The following CYB5R4 variants were observed in gnomAD, a reference collection of about 807,000 sequenced individuals.
CYB5R4 encodes the protein N-terminal cytochrome b5 and cytochrome b5 oxidoreductase domain-containing protein.
A neutral mutation model predicts 70.2 loss-of-function variants in CYB5R4; 55 were observed. The ratio of observed to expected loss-of-function variants is 0.78; its 90% CI spans 0.63 to 0.98. The LOEUF (loss-of-function observed/expected upper bound fraction) is 0.98. Ranked by LOEUF, CYB5R4 falls within the 50% of genes least tolerant of loss-of-function variation. The pLI, the probability that CYB5R4 is intolerant of heterozygous loss-of-function variation, is 0.00. For missense variants in CYB5R4, 562 were observed against 612.6 expected, an observed-to-expected ratio of 0.92 and a Z score of 0.87; for synonymous variants, 197 against 199.5, an observed-to-expected ratio of 0.99 and a Z score of 0.11.
intron 2 of CYB5R4, among the ~76,000 whole-genome samples, chr6:83,873,086 A>T (rs1368007896): frequency 2.0e-5 from 3 of 152,120 alleles, no homozygotes; most frequent in African/African-American, 4.8e-5. Context: ...TTCAGCTCTA[A>T]AGTTAATCAT....
chr6:83,897,739 G>T (rs2099462146), intron 3 of CYB5R4, among the ~76,000 whole-genome samples: 1 of 152,054 alleles, frequency 6.6e-6, no homozygotes, highest in South Asian at 2.1e-4. Flanking sequence ...TTTTGGATGG[G>T]GTTGTTTTTT....
rs1162042317 is a variant in CYB5R4, at chr6:83,962,487, C to G, written c.*2609C>G. 3 of 152,150 alleles carry G rather than the reference C, an allele frequency of 2.0e-5. No homozygotes were observed. The highest frequency in any genetic ancestry group is 7.2e-5 in the African/African-American group (3 of 41,454). 9.4% of individuals were successfully genotyped at this position (152,150 alleles called of 1,614,324 possible). ...AAGTCACATTTGCTTGCAAATTCTG[C>G]TTTTTTTAAAAAAAAGTTTATTAAT... On this transcript the variant is annotated 3_prime_UTR_variant, in exon 16 of 16. Coordinates refer to ENST00000369681, the MANE Select transcript of CYB5R4 (RefSeq NM_016230.4).
At position 83,936,272 on chromosome 6, in the gene CYB5R4, C is replaced by T; in HGVS notation, c.1004C>T (p.Ser335Leu). The change falls in exon 12 of 16, where the codon TCA (serine) becomes TTA (leucine). Residue 335 changes from serine to leucine, a missense_variant. By Grantham distance (145) the Ser-to-Leu change is moderately radical (BLOSUM62 -2). Transcript: ENST00000369681. ...PYTPVSGSLL[S>L]EFKEPVLPNN... Reference sequence around the variant, plus strand: ...ACACCTGTATCTGGTTCCTTACTCTCAGAGTTCAAGGAACCAGTTCTTCCC... The same window carrying T: ...ACACCTGTATCTGGTTCCTTACTCTTAGAGTTCAAGGAACCAGTTCTTCCC... 6.2e-7 allele frequency: 1 copy of T among 1,609,466 alleles called. No homozygotes were observed. Among genetic ancestry groups the T allele is most frequent in the Non-Finnish European group, 8.5e-7 (1 of 1,177,494 alleles).
chr6:83,922,933 A>G (rs2099466631), intron 9 of CYB5R4, among the ~76,000 whole-genome samples: 1 of 151,848 alleles, frequency 6.6e-6, no homozygotes. Flanking sequence ...AGATCACAGT[A>G]CACACACCAC....
intron 5 of CYB5R4, among the ~76,000 whole-genome samples, chr6:83,917,030 C>A (rs1270590295): frequency 2.6e-5 from 4 of 152,148 alleles, no homozygotes; most frequent in Non-Finnish European, 4.4e-5. Flanking sequence ...ACAAACAATG[C>A]ACTTCTATTG....
In CYB5R4 at chr6:83,936,207, G is replaced by A. The variant is rs780815208; in HGVS notation, c.956-17G>A. 14 of 1,522,412 alleles carry A rather than the reference G, an allele frequency of 9.2e-6. No individual in the cohort carries two copies. The South Asian group carries it at 1.5e-4, about 17-fold the overall frequency. The allele number at this position is 1,522,412 out of a possible 1,614,324, so 94.3% of individuals were successfully genotyped here. On this transcript the variant is annotated splice_polypyrimidine_tract_variant and intron_variant, in intron 11 of 15. Transcript: ENST00000369681. ...ATTTTTAGAATTTAATTATTTTGCT[G>A]TGATTTTTTTTTCTAGGTACAGAAA...
chr6:83,922,321 C>T lies in CYB5R4; in HGVS notation c.659-117C>T, dbSNP rs993778194. On this transcript the variant is annotated intron_variant, in intron 8 of 15. Transcript: ENST00000369681. ...AAAATTGTTTTGGTCTTTCAGAACA[C>T]GTTTTGTCTTGAGGGATTTGAAATA... 16 of 627,888 alleles carry T rather than the reference C, an allele frequency of 2.5e-5. No homozygotes were observed. The African/African-American group carries it at 2.7e-4, about 10-fold the overall frequency. 38.9% of individuals were successfully genotyped at this position (627,888 alleles called of 1,614,324 possible). A position where few individuals can be genotyped will look rare whatever the true frequency, so the allele number is the denominator to read the frequency against.
At chr6:83,928,555 A>G (rs1300714449) in intron 10 of CYB5R4, among the ~76,000 whole-genome samples, 3 of 152,188 alleles carry the variant, frequency 2.0e-5, no homozygotes, top group Non-Finnish European at 4.4e-5. Flanking sequence ...GCTACAGATC[A>G]TTACTGGTTG....
chr6:83,905,784 C>T (rs1019225829), intron 3 of CYB5R4, among the ~76,000 whole-genome samples: 6 of 151,734 alleles, frequency 4.0e-5, no homozygotes, highest in Admixed American at 6.6e-5. Context: ...TGGGTGGTGA[C>T]GGTGGCAGTC....
chr6:83,860,129 T>C (rs1186936882), intron 1 of CYB5R4, among the ~76,000 whole-genome samples: 1 of 152,032 alleles, frequency 6.6e-6, no homozygotes, highest in African/African-American at 2.4e-5. Flanking sequence ...GCGATTTAAA[T>C]TTATATGACA....
intron 14 of CYB5R4, among the ~76,000 whole-genome samples, chr6:83,947,794 G>A (rs921286385): frequency 2.0e-5 from 3 of 151,862 alleles, no homozygotes; most frequent in African/African-American, 7.2e-5. Context: ...CTGGTCATTA[G>A]AGAAATGCAA....
intron 14 of CYB5R4, among the ~76,000 whole-genome samples, chr6:83,948,598 CT>C (rs2099471020): frequency 6.6e-6 from 1 of 152,118 alleles, no homozygotes; most frequent in African/African-American, 2.4e-5. Flanking sequence ...CTAAGGTATT[CT>C]TTTAGATAGT....
intron 3 of CYB5R4, among the ~76,000 whole-genome samples, chr6:83,899,061 T>G (rs1283765706): frequency 6.6e-6 from 1 of 152,226 alleles, no homozygotes; most frequent in Non-Finnish European, 1.5e-5. Flanking sequence ...AAGGGAATGC[T>G]TCCAGTTTTT....
At chr6:83,900,684 G>A (rs1357238122) in intron 3 of CYB5R4, among the ~76,000 whole-genome samples, 1 of 152,144 alleles carries the variant, frequency 6.6e-6, no homozygotes, top group Non-Finnish European at 1.5e-5. Context: ...AGGATAGTTA[G>A]CTCTTCTTGT....
chr6:83,937,407 T>G (rs1219683642), intron 12 of CYB5R4, among the ~76,000 whole-genome samples: 1 of 152,230 alleles, frequency 6.6e-6, no homozygotes, highest in East Asian at 1.9e-4. Context: ...ATAAATATAT[T>G]TCTTCATTAC....
chr6:83,920,925 G>T (rs978456402), intron 7 of CYB5R4, among the ~76,000 whole-genome samples, 157 bp from the exon 8 acceptor site: 4 of 152,018 alleles, frequency 2.6e-5, no homozygotes, highest in Non-Finnish European at 5.9e-5. Context: ...GAGAAGAACT[G>T]GGTTGTAAGA....
At chr6:83,902,688 A>C (rs924944347) in intron 3 of CYB5R4, among the ~76,000 whole-genome samples, 1 of 151,702 alleles carries the variant, frequency 6.6e-6, no homozygotes, top group African/African-American at 2.4e-5. Context: ...GTGTCCTTTC[A>C]CCAGTTGTGT....
intron 2 of CYB5R4, among the ~76,000 whole-genome samples, chr6:83,889,441 A>C (rs1052851806): frequency 6.6e-6 from 1 of 152,154 alleles, no homozygotes; most frequent in African/African-American, 2.4e-5. Flanking sequence ...AATTATGCTA[A>C]GTCTGCCCTG....
chr6:83,905,589 A>G lies in CYB5R4; in HGVS notation c.331-3420A>G, dbSNP rs568335368. ...TGGTTACTAGGACCCCAGGTAGGTTAGTCTTTGGGCCCCAGTGGTGGGAGC... is the reference window on the plus strand; with the variant it reads ...TGGTTACTAGGACCCCAGGTAGGTTGGTCTTTGGGCCCCAGTGGTGGGAGC... On this transcript the variant is annotated intron_variant, in intron 3 of 15. Transcript: ENST00000369681. 9.8e-4 allele frequency among the ~76,000 whole-genome samples: 149 copies of G among 152,010 alleles called. 7 individuals are homozygous for G. The South Asian group carries it at 0.03, about 31-fold the overall frequency.
Sources: gnomAD v4.1 joint callset for allele counts (sites outside exome capture counted in the v4.1 genomes callset) on GRCh38, gnomAD v4.1.1 for gene constraint, MANE v1.5 for transcripts, NCBI Gene and HGNC (gene_info 2026-07-23, HGNC 2026-07-21) for gene names.